ATP2B3: variants seen among roughly 807,000 people sequenced by gnomAD.
The protein encoded by ATP2B3 is ATPase plasma membrane Ca2+ transporting 3.
In ATP2B3, 12 loss-of-function variants were observed where a neutral mutation model predicts 70.8. The observed-to-expected ratio is 0.17, with a 90% CI of 0.11 to 0.27. The LOEUF (loss-of-function observed/expected upper bound fraction) is 0.27, where lower values mean the gene tolerates loss of function less well. Among genes scored for constraint, ATP2B3 ranks in the 10% least tolerant of loss-of-function variants. The pLI, the probability that ATP2B3 is intolerant of heterozygous loss-of-function variation, is 1.00. For missense variants in ATP2B3, 858 were observed against 1,118.5 expected (o/e 0.77, Z 3.32); for synonymous variants, 460 against 497.8 (o/e 0.92, Z 1.01).
In ATP2B3 at chrX:153,556,428, C is replaced by T; in HGVS notation, c.2326+10C>T. 1 of 1,192,852 alleles carries T rather than the reference C, an allele frequency of 8.4e-7. No individual in the cohort carries two copies. The highest frequency in any genetic ancestry group is 1.1e-6 in the Non-Finnish European group (1 of 885,803). On this transcript the variant is annotated intron_variant, in intron 15 of 21. Coordinates refer to ENST00000263519, the MANE Select transcript of ATP2B3 (RefSeq NM_001001344.3). ...CACACACTGGTCAAAGGTAGCCGAG[C>T]CCCCACACCCCTTTCCTGGGGTGGC...
At position 153,559,830 on chromosome X, in the gene ATP2B3, G is replaced by A. The variant is rs1557015430; in HGVS notation, c.2727G>A (p.Leu909=). 2 of 1,211,949 alleles carry A rather than the reference G, an allele frequency of 1.7e-6. No individual in the cohort carries two copies. The highest frequency in any genetic ancestry group is 3.0e-5 in the East Asian group (1 of 33,858). ...LATEPPTESL[L]LRKPYGRDKP... is the part of the protein sequence containing the mutation. ...CGGAGCCACCCACAGAGTCGCTGCT[G>A]CTGCGGAAGCCGTACGGCCGCGACA... is the stretch of plus-strand genomic sequence containing the variant. Residue 909 remains leucine (L), a synonymous_variant, in exon 18 of 22, where the codon CTG becomes CTA. Transcript: ENST00000263519.
intron 21 of ATP2B3, 142 bp from the exon 22 acceptor site, chrX:153,579,836 G>C (rs1207645427): frequency 1.9e-6 from 1 of 512,867 alleles, no homozygotes; most frequent in Admixed American, 3.7e-5. Flanking sequence ...CCATTGACGT[G>C]GGTGGAATTT....
chrX:153,529,742 C>T (rs895689825), intron 2 of ATP2B3, among the ~76,000 whole-genome samples: 10 of 111,742 alleles, frequency 8.9e-5, no homozygotes, highest in African/African-American at 1.3e-4. Flanking sequence ...CCATGGCACC[C>T]ACCCTTCCAC....
chrX:153,559,039 T>C (rs1159816317), intron 17 of ATP2B3, among the ~76,000 whole-genome samples: 2 of 3,904 alleles, frequency 5.1e-4, no homozygotes, highest in African/African-American at 1.1e-3. Flanking sequence ...AACAATTTTT[T>C]AAATTGAGAT....
Position 153,543,138 on chromosome X carries a change from G to A in ATP2B3, c.886G>A (p.Gly296Arg), listed in dbSNP as rs148439730. Reference protein sequence around the residue: ...GIIFTLLGAGGEEEEKKDKKG... With the variant: ...GIIFTLLGAGREEEEKKDKKG... The stretch of plus-strand genomic sequence containing the variant: ...CATCTTCACGCTGCTTGGAGCTGGC[G>A]GAGAGGAGGAAGAGAAGAAAGATAA... Residue 296 changes from glycine to arginine, a missense_variant, in exon 7 of 22, where the codon GGA becomes AGA. Physicochemically the swap from Gly to Arg is moderately radical, Grantham distance 125. This residue lies in a region of ATP2B3 where 278 missense variants were observed against 366.2 expected (regional missense o/e 0.76). Coordinates refer to ENST00000263519, the MANE Select transcript of ATP2B3 (RefSeq NM_001001344.3). The A allele has an allele frequency of 1.7e-4, 204 of 1,210,494 alleles. No individual in the cohort carries two copies. Among genetic ancestry groups the A allele is most frequent in the South Asian group, 2.8e-4 (16 of 56,769 alleles).
intron 21 of ATP2B3, among the ~76,000 whole-genome samples, chrX:153,573,865 G>A (rs2124543194): frequency 8.9e-6 from 1 of 112,607 alleles, no homozygotes; most frequent in Admixed American, 9.3e-5. Flanking sequence ...ACACGGTCCT[G>A]GGCATGAGTG....
intron 2 of ATP2B3, among the ~76,000 whole-genome samples, chrX:153,529,163 T>C (rs1048295931): frequency 3.6e-5 from 4 of 112,156 alleles, no homozygotes; most frequent in Admixed American, 9.4e-5. Flanking sequence ...TCAGTACCTC[T>C]GAAGAAGTGC....
chrX:153,556,943 C>T lies in ATP2B3; in HGVS notation c.2353C>T (p.Gln785Ter). 8.4e-7 allele frequency: 1 copy of T among 1,195,221 alleles called. No individual in the cohort carries two copies. The highest frequency in any genetic ancestry group is 2.3e-5 in the Admixed American group (1 of 44,112). ...GATTATCGACAGCACCACTGGTGAG[C>T]AGCGGCAGGTGGTGGCTGTGACAGG... is the stretch of plus-strand genomic sequence containing the variant. The part of the protein sequence containing the change: ...KGIIDSTTGE[Q>*]RQVVAVTGDG... Residue 785 changes from glutamine to a stop codon, truncating the protein, a stop_gained, in exon 16 of 22, where the codon CAG (glutamine) becomes TAG (stop). Transcript: ENST00000263519. LOFTEE classifies it high-confidence loss of function.
At position 153,536,148 on chromosome X, in the gene ATP2B3, C is replaced by T. The variant is rs782494346; in HGVS notation, c.-100C>T. ...TGTCCACGCTTAGCAGCTTTCTCAC[C>T]GCCGCCAAACCTTGCCTGGGCACTG... On this transcript the variant is annotated 5_prime_UTR_variant, in exon 3 of 22. Transcript: ENST00000263519. The T allele has an allele frequency of 3.8e-5, 37 of 981,923 alleles. No individual in the cohort carries two copies. In the East Asian group the frequency reaches 9.7e-4, roughly 26 times the overall value. 80.9% of individuals were successfully genotyped at this position (981,923 alleles called of 1,213,427 possible). A position where few individuals can be genotyped will look rare whatever the true frequency, so the allele number is the denominator to read the frequency against.
chrX:153,532,445 G>A (rs782802835), intron 2 of ATP2B3, among the ~76,000 whole-genome samples: 1 of 112,360 alleles, frequency 8.9e-6, no homozygotes, highest in African/African-American at 3.2e-5. Context: ...TGGGTGGGGA[G>A]TAGGCACTCT....
chrX:153,524,342 G>A (rs2090000685), intron 2 of ATP2B3, among the ~76,000 whole-genome samples: 1 of 110,810 alleles, frequency 9.0e-6, no homozygotes, highest in African/African-American at 3.3e-5. Context: ...AAGGCCAGAT[G>A]GTAAATAGAT....
At chrX:153,578,245 A>G (rs191911606) in intron 21 of ATP2B3, among the ~76,000 whole-genome samples, 1 of 112,592 alleles carries the variant, frequency 8.9e-6, no homozygotes, top group Non-Finnish European at 1.9e-5. Context: ...TCCTAGGTCG[A>G]ACCTTGGCCC....
intron 20 of ATP2B3, among the ~76,000 whole-genome samples, chrX:153,563,423 G>T (rs1281318898): frequency 9.0e-6 from 1 of 111,610 alleles, no homozygotes; most frequent in Admixed American, 9.4e-5. Context: ...TTACAGGCGG[G>T]AGCCACCATG....
At chrX:153,549,880 G>T in intron 11 of ATP2B3, 141 bp downstream of exon 11, 1 of 1,065,854 alleles carries the variant, frequency 9.4e-7, no homozygotes, top group Non-Finnish European at 1.2e-6. Context: ...CTCACAGGTG[G>T]CTCTGGCTGG....
intron 19 of ATP2B3, 96 bp from the exon 20 acceptor site, chrX:153,562,039 A>T (rs2090633387): frequency 1.0e-5 from 8 of 800,858 alleles, no homozygotes; most frequent in Middle Eastern, 3.0e-4. Flanking sequence ...CAACTGGGGG[A>T]ACCAACCAGG....
chrX:153,520,414 C>A (rs1381257721), intron 2 of ATP2B3, among the ~76,000 whole-genome samples: 1 of 112,573 alleles, frequency 8.9e-6, no homozygotes, highest in Non-Finnish European at 1.9e-5. Context: ...CAGAGCAAGT[C>A]ATCAGCACAT....
At chrX:153,576,092 G>A (rs1196476030) in intron 21 of ATP2B3, among the ~76,000 whole-genome samples, 1 of 111,769 alleles carries the variant, frequency 8.9e-6, no homozygotes, top group Non-Finnish European at 1.9e-5. Context: ...GGGCTTTTGG[G>A]GGTACAGTTC....
intron 17 of ATP2B3, 22 bp downstream of exon 17, chrX:153,558,325 G>A: frequency 8.4e-7 from 1 of 1,184,587 alleles, no homozygotes; most frequent in Non-Finnish European, 1.1e-6. Context: ...GGGCTGCCAT[G>A]CCCCAGCTAG....
At chrX:153,557,720 G>A (rs1010284048) in intron 16 of ATP2B3, among the ~76,000 whole-genome samples, 2 of 111,446 alleles carry the variant, frequency 1.8e-5, no homozygotes, top group Non-Finnish European at 3.8e-5. Flanking sequence ...CCCCGCCCAG[G>A]GTGTCCCCAT....
Sources: allele counts gnomAD v4.1 joint callset (sites outside exome capture counted in the v4.1 genomes callset), GRCh38; gene constraint gnomAD v4.1.1; regional missense constraint gnomAD v4.1.1; transcripts MANE v1.5; gene names NCBI Gene and HGNC (gene_info 2026-07-23, HGNC 2026-07-21).